GABRA1: variants seen among roughly 807,000 people sequenced by gnomAD.
GABRA1 encodes gamma-aminobutyric acid type A receptor subunit alpha1, also known as gamma-aminobutyric acid receptor subunit alpha-1.
GABRA1 carries 9 observed loss-of-function variants against 48.9 expected under a neutral mutation model. The observed-to-expected ratio is 0.18, with a 90% CI of 0.11 to 0.32. The LOEUF (loss-of-function observed/expected upper bound fraction) is 0.32. GABRA1 is among the 10% of genes least tolerant of loss of function. The pLI is 1.00. For synonymous variants in GABRA1, 210 were observed against 198.7 expected (o/e 1.06, Z -0.48); for missense variants, 285 against 553.8 (o/e 0.51, Z 4.87).
chr5:161,874,382 CAT>C (rs762701069), intron 5 of GABRA1, among the ~76,000 whole-genome samples: 8 of 152,100 alleles, frequency 5.3e-5, no homozygotes, highest in Non-Finnish European at 1.0e-4. Context: ...CCAATGGACA[CAT>C]GTGTTGAGAA....
intron 3 of GABRA1, 70 bp downstream of exon 3, chr5:161,854,340 C>T (rs1333231720): frequency 1.2e-6 from 1 of 822,532 alleles, no homozygotes; most frequent in African/African-American, 1.7e-5. Context: ...CCTTAATTTA[C>T]CTCTAAATGG....
At chr5:161,877,801 G>C (rs1361777546) in intron 6 of GABRA1, among the ~76,000 whole-genome samples, 1 of 152,118 alleles carries the variant, frequency 6.6e-6, no homozygotes, top group East Asian at 1.9e-4. Flanking sequence ...TAAGTAAGCT[G>C]TTTTCCACCT....
rs762857527 is a variant in GABRA1 at position 161,875,529 on chromosome 5, G to A, written c.477-31G>A. ...TATCAAGAAGTATCTAATCTATATGGCTCTTGTTTGTATTCTATGTTTCCC... is the reference window on the plus strand; with the variant it reads ...TATCAAGAAGTATCTAATCTATATGACTCTTGTTTGTATTCTATGTTTCCC... On this transcript the variant is annotated intron_variant, in intron 5 of 9. Coordinates refer to ENST00000393943, the MANE Select transcript of GABRA1 (RefSeq NM_001127644.2). 4 of 1,541,784 alleles carry A rather than the reference G, an allele frequency of 2.6e-6. No individual in the cohort carries two copies. In the Admixed American group the frequency reaches 6.7e-5, roughly 26 times the overall value.
chr5:161,882,750 A>G (rs1255426797), intron 7 of GABRA1, 49 bp downstream of exon 7: 2 of 1,549,080 alleles, frequency 1.3e-6, no homozygotes, highest in African/African-American at 2.7e-5. Flanking sequence ...GAAGAATAAT[A>G]TTTTGTGAGA....
chr5:161,896,212 C>A (rs1242743963), intron 9 of GABRA1, among the ~76,000 whole-genome samples: 1 of 152,048 alleles, frequency 6.6e-6, no homozygotes, highest in Non-Finnish European at 1.5e-5. Context: ...TTACCAAGTG[C>A]GTTATAATTT....
At chr5:161,876,990 A>G (rs958786507) in intron 6 of GABRA1, among the ~76,000 whole-genome samples, 4 of 152,144 alleles carry the variant, frequency 2.6e-5, no homozygotes, top group Admixed American at 6.5e-5. Context: ...GCTGGAGTCC[A>G]GTGGCACAAT....
chr5:161,863,860 A>G lies in GABRA1; in HGVS notation c.188-1861A>G, dbSNP rs145803103. On this transcript the variant is annotated intron_variant, in intron 3 of 9. Transcript: ENST00000393943. ...GCAGCCCCAAATAATTTGGGGAAAC[A>G]TGGGTAAACAAGTTTGACCATATTT... Among the ~76,000 whole-genome samples, 544 of 152,034 alleles carry G rather than the reference A, an allele frequency of 3.6e-3. 2 individuals are homozygous for G. Among genetic ancestry groups the G allele is most frequent in the African/African-American group, 0.012 (516 of 41,496 alleles).
intron 2 of GABRA1, among the ~76,000 whole-genome samples, chr5:161,852,548 A>G (rs1325590088): frequency 6.6e-6 from 1 of 152,016 alleles, no homozygotes; most frequent in East Asian, 1.9e-4. Flanking sequence ...ATGAGTTTTT[A>G]TAAATAATTG....
In GABRA1 at chr5:161,886,565, C is replaced by A. The variant is rs115072415; in HGVS notation, c.703+3864C>A. On this transcript the variant is annotated intron_variant, in intron 7 of 9. Coordinates refer to ENST00000393943, the MANE Select transcript of GABRA1 (RefSeq NM_001127644.2). ...ACAAGCAGATCAGATCACTTGAGACCAGGTGTTCCAAACCAGCCTGGGAAA... is the reference window on the plus strand; with the variant it reads ...ACAAGCAGATCAGATCACTTGAGACAAGGTGTTCCAAACCAGCCTGGGAAA... Among the ~76,000 whole-genome samples, 927 of 151,994 alleles carry A rather than the reference C, an allele frequency of 6.1e-3. 12 individuals carry two copies. The highest frequency in any genetic ancestry group is 0.021 in the African/African-American group (882 of 41,470).
intron 8 of GABRA1, among the ~76,000 whole-genome samples, chr5:161,895,352 G>A (rs2113463029): frequency 6.6e-6 from 1 of 152,216 alleles, no homozygotes; most frequent in South Asian, 2.1e-4. Context: ...AGTGAGGAAT[G>A]TTATTTCTTG....
chr5:161,890,467 C>T (rs753705128), intron 7 of GABRA1, among the ~76,000 whole-genome samples: 14 of 152,060 alleles, frequency 9.2e-5, no homozygotes, highest in African/African-American at 2.2e-4. Context: ...CTGATGTACA[C>T]GCCAAAGCTT....
At chr5:161,880,085 CT>C (rs2113404916) in intron 6 of GABRA1, among the ~76,000 whole-genome samples, 1 of 152,260 alleles carries the variant, frequency 6.6e-6, no homozygotes, top group African/African-American at 2.4e-5. Flanking sequence ...TAGAAAAACA[CT>C]TACAAAACAC....
At chr5:161,866,037 A>G (rs1282836484) in intron 4 of GABRA1, among the ~76,000 whole-genome samples, 1 of 152,056 alleles carries the variant, frequency 6.6e-6, no homozygotes, top group Non-Finnish European at 1.5e-5. Flanking sequence ...AAAATATTTT[A>G]AATGATTGGT....
chr5:161,899,183 C>T lies in GABRA1; in HGVS notation c.*1761C>T, dbSNP rs1319076184. On this transcript the variant is annotated 3_prime_UTR_variant, in exon 10 of 10. Coordinates refer to ENST00000393943, the MANE Select transcript of GABRA1 (RefSeq NM_001127644.2). The stretch of plus-strand genomic sequence containing the variant: ...CAAATAAGACAGTTGGGATCCAAAC[C>T]CAAGTCTTGAGCAATGTTTTTCTCA... 1 of 152,506 alleles carries T rather than the reference C, an allele frequency of 6.6e-6. No individual in the cohort carries two copies. Among genetic ancestry groups the T allele is most frequent in the Non-Finnish European group, 1.5e-5 (1 of 67,970 alleles). The allele number at this position is 152,506 out of a possible 1,614,324, so 9.4% of individuals were successfully genotyped here.
intron 5 of GABRA1, 75 bp downstream of exon 5, chr5:161,873,412 T>C (rs1754210835): frequency 8.7e-7 from 1 of 1,154,338 alleles, no homozygotes; most frequent in South Asian, 1.3e-5. Flanking sequence ...ATCATCAGGC[T>C]GATGAGCCAT....
rs200319619 is a variant in GABRA1, at chr5:161,852,679, G to A, written c.75-1479G>A. 5.9e-5 allele frequency among the ~76,000 whole-genome samples: 9 copies of A among 151,992 alleles called. No homozygotes were observed. In the East Asian group the frequency reaches 1.5e-3, roughly 26 times the overall value. ...CAAGATGTTTAATTTTGCCAAAAGA[G>A]AGTAAGCCCTCAATCTGCATGGCAT... On this transcript the variant is annotated intron_variant, in intron 2 of 9. Coordinates refer to ENST00000393943, the MANE Select transcript of GABRA1 (RefSeq NM_001127644.2).
In GABRA1 at chr5:161,854,280, A is replaced by C. The variant is rs765818953; in HGVS notation, c.187+10A>C. 7.1e-7 allele frequency: 1 copy of C among 1,404,870 alleles called. No homozygotes were observed. The highest frequency in any genetic ancestry group is 1.2e-5 in the South Asian group (1 of 86,770). The allele number at this position is 1,404,870 out of a possible 1,614,324, so 87.0% of individuals were successfully genotyped here. On this transcript the variant is annotated intron_variant, in intron 3 of 9. Transcript: ENST00000393943. Reference sequence around the variant, plus strand: ...AGACCAGGATTGGGAGGTAGGTTGCATTATTGTATTTTTGTTTTAGAGAAT... The same window carrying C: ...AGACCAGGATTGGGAGGTAGGTTGCCTTATTGTATTTTTGTTTTAGAGAAT...
chr5:161,887,109 A>G (rs1488032152), intron 7 of GABRA1, among the ~76,000 whole-genome samples: 2 of 152,224 alleles, frequency 1.3e-5, no homozygotes, highest in Non-Finnish European at 2.9e-5. Context: ...GATGACTGCA[A>G]GTTCTCCATA....
Position 161,890,489 on chromosome 5 carries a change from A to G in GABRA1, c.704-409A>G, listed in dbSNP as rs531329807. On this transcript the variant is annotated intron_variant, in intron 7 of 9. Coordinates refer to ENST00000393943, the MANE Select transcript of GABRA1 (RefSeq NM_001127644.2). ...ACACGCCAAAGCTTCTTCAGTAGGT[A>G]TTGTGGATATGCTCTGTAATGGACA... Among the ~76,000 whole-genome samples, 7 of 152,178 alleles carry G rather than the reference A, an allele frequency of 4.6e-5. No individual in the cohort carries two copies. In the East Asian group the frequency reaches 9.7e-4, roughly 21 times the overall value.
Sources: allele counts gnomAD v4.1 joint callset (sites outside exome capture counted in the v4.1 genomes callset), GRCh38; gene constraint gnomAD v4.1.1; transcripts MANE v1.5; gene names NCBI Gene and HGNC (gene_info 2026-07-23, HGNC 2026-07-21).